Variants in KAZN observed in about 807,000 individuals in gnomAD.
KAZN encodes kazrin, periplakin interacting protein, also known as kazrin.
KAZN carries 40 observed loss-of-function variants against 87.4 expected under a neutral mutation model. The observed-to-expected ratio is 0.46, with a 90% CI of 0.36 to 0.60. KAZN has a LOEUF of 0.60. Among genes scored for constraint, KAZN ranks in the 20% least tolerant of loss-of-function variants. The probability of loss-of-function intolerance (pLI) is 0.00; values close to 1 mark genes in which losing one functional copy is unlikely to be tolerated. For missense variants in KAZN, 898 were observed against 1,073.9 expected (o/e 0.84, Z 2.29); for synonymous variants, 466 against 458.3 (o/e 1.02, Z -0.22).
Position 14,940,898 on chromosome 1 carries a change from C to CTTTTTTTTTTTTTTTTTTT in KAZN, c.227-19773_227-19755dup, listed in dbSNP as rs66777443. Among the ~76,000 whole-genome samples the CTTTTTTTTTTTTTTTTTTT allele has an allele frequency of 3.7e-5, 2 of 54,404 alleles. 1 individual carries two copies. The highest frequency in any genetic ancestry group is 1.7e-4 in the African/African-American group (2 of 12,018). The allele number at this position is 54,404 out of a possible 152,430, so 35.7% of individuals were successfully genotyped here. A position where few individuals can be genotyped will look rare whatever the true frequency, so the allele number is the denominator to read the frequency against. On this transcript the variant is annotated intron_variant, in intron 1 of 14. Coordinates refer to ENST00000376030, the MANE Select transcript of KAZN (RefSeq NM_201628.3). ...ACCAGACAGATGTCATTCTACCTTT[C>CTTTTTTTTTTTTTTTTTTT]TTTTTTTTTTTTTTTTTTTTTTTTT...
At chr1:14,217,664 A>T (rs2100482968) in intron 2 of KAZN, among the ~76,000 whole-genome samples, 1 of 152,254 alleles carries the variant, frequency 6.6e-6, no homozygotes, top group East Asian at 1.9e-4. Flanking sequence ...GTTTCCCAAA[A>T]CAATTGTTTA....
intron 1 of KAZN, among the ~76,000 whole-genome samples, chr1:14,836,962 G>A (rs185784377): frequency 2.0e-5 from 3 of 152,108 alleles, no homozygotes; most frequent in East Asian, 1.9e-4. Flanking sequence ...CCAGGTAACC[G>A]CCTTCCTGAA....
intron 1 of KAZN, among the ~76,000 whole-genome samples, chr1:14,694,512 C>T (rs1221981043): frequency 1.3e-5 from 2 of 152,224 alleles, no homozygotes; most frequent in East Asian, 3.9e-4. Context: ...TGAGCACTTC[C>T]CAAGTATAAT....
intron 1 of KAZN, among the ~76,000 whole-genome samples, chr1:14,840,066 AC>A (rs1210629635): frequency 2.1e-5 from 3 of 141,404 alleles, no homozygotes; most frequent in Non-Finnish European, 4.6e-5. Flanking sequence ...CCTCCCTACC[AC>A]CTGGCACTGC....
At chr1:14,897,192 G>A (rs975567423) in intron 1 of KAZN, among the ~76,000 whole-genome samples, 3 of 152,188 alleles carry the variant, frequency 2.0e-5, no homozygotes, top group Non-Finnish European at 4.4e-5. Context: ...AGAAAGGGAA[G>A]GAGTTGCATA....
intron 2 of KAZN, among the ~76,000 whole-genome samples, chr1:14,470,464 C>T (rs1668394652): frequency 6.6e-6 from 1 of 152,182 alleles, no homozygotes; most frequent in Non-Finnish European, 1.5e-5. Flanking sequence ...CCAAATCCAC[C>T]ATTTGACAGT....
intron 2 of KAZN, among the ~76,000 whole-genome samples, chr1:14,586,022 C>A (rs927145562): frequency 6.6e-6 from 1 of 152,292 alleles, no homozygotes; most frequent in Non-Finnish European, 1.5e-5. Flanking sequence ...CAGCTGTTCC[C>A]TAGTGGGGGT....
At chr1:14,152,504 T>C (rs1450537018) in intron 1 of KAZN, among the ~76,000 whole-genome samples, 1 of 152,232 alleles carries the variant, frequency 6.6e-6, no homozygotes, top group Non-Finnish European at 1.5e-5. Context: ...ATCCAAGTTC[T>C]TGCAAATGAC....
At chr1:14,943,290 G>A (rs552280363) in intron 1 of KAZN, among the ~76,000 whole-genome samples, 42 of 152,016 alleles carry the variant, frequency 2.8e-4, no homozygotes, top group Non-Finnish European at 5.4e-4. Flanking sequence ...AAAGCCAGAG[G>A]GGACAGCAGC....
At chr1:14,237,544 C>G (rs1262504929) in intron 2 of KAZN, among the ~76,000 whole-genome samples, 1 of 152,148 alleles carries the variant, frequency 6.6e-6, no homozygotes, top group Non-Finnish European at 1.5e-5. Context: ...CACACCCTCT[C>G]CCTGGCAATG....
chr1:14,645,753 G>A (rs970455300), intron 1 of KAZN, among the ~76,000 whole-genome samples: 4 of 152,136 alleles, frequency 2.6e-5, no homozygotes, highest in African/African-American at 7.2e-5. Context: ...TCTCTTGCCC[G>A]ATTGCTTTGG....
chr1:14,401,270 C>A (rs1178687261), intron 2 of KAZN, among the ~76,000 whole-genome samples: 1 of 151,852 alleles, frequency 6.6e-6, no homozygotes, highest in Non-Finnish European at 1.5e-5. Context: ...TGACTTTCAG[C>A]AAAGCTTGAA....
chr1:14,855,376 T>C (rs1295128405), intron 1 of KAZN, among the ~76,000 whole-genome samples: 2 of 152,184 alleles, frequency 1.3e-5, no homozygotes, highest in Non-Finnish European at 2.9e-5. Flanking sequence ...CTTTTGTCAT[T>C]TTTTTGTTAA....
chr1:14,251,289 T>C (rs895855439), intron 2 of KAZN, among the ~76,000 whole-genome samples: 1 of 152,186 alleles, frequency 6.6e-6, no homozygotes, highest in Non-Finnish European at 1.5e-5. Flanking sequence ...ATGATAAGGT[T>C]GATTGAGATA....
At chr1:14,250,153 T>G (rs1055660804) in intron 2 of KAZN, among the ~76,000 whole-genome samples, 6 of 152,176 alleles carry the variant, frequency 3.9e-5, no homozygotes, top group African/African-American at 1.4e-4. Context: ...TTTATACACA[T>G]GTTTATTCAG....
chr1:14,391,386 G>C lies in KAZN; in HGVS notation c.250-207597G>C, dbSNP rs116347596. 449 of 152,242 alleles carry C rather than the reference G, an allele frequency of 2.9e-3. 1 individual carries two copies. The highest frequency in any genetic ancestry group is 9.9e-3 in the African/African-American group (409 of 41,476). The allele number at this position is 152,242 out of a possible 1,614,324, so 9.4% of individuals were successfully genotyped here. A position where few individuals can be genotyped will look rare whatever the true frequency, so the allele number is the denominator to read the frequency against. Reference sequence around the variant, plus strand: ...GTATCTTCAGCTAGACTTTCCCCAGGGTCACATACACAACTGCCTGCTCAA... The same window carrying C: ...GTATCTTCAGCTAGACTTTCCCCAGCGTCACATACACAACTGCCTGCTCAA... On this transcript the variant is annotated intron_variant, in intron 2 of 16. Transcript: ENST00000636203.
intron 2 of KAZN, among the ~76,000 whole-genome samples, chr1:14,447,642 G>C (rs933794615): frequency 1.3e-5 from 2 of 152,014 alleles, no homozygotes; most frequent in Admixed American, 1.3e-4. Context: ...TTTATCTGCT[G>C]TATTTATTGG....
intron 2 of KAZN, among the ~76,000 whole-genome samples, chr1:14,431,250 A>T (rs1666053065): frequency 6.6e-6 from 1 of 152,316 alleles, no homozygotes; most frequent in Admixed American, 6.5e-5. Context: ...ACAATTTCTC[A>T]TTTAATCCTC....
chr1:14,522,615 G>A (rs1478354090), intron 2 of KAZN, among the ~76,000 whole-genome samples: 1 of 152,132 alleles, frequency 6.6e-6, no homozygotes, highest in Non-Finnish European at 1.5e-5. Flanking sequence ...AATGCAAATG[G>A]GTGTTGACGT....
Sources: allele counts gnomAD v4.1 joint callset (sites outside exome capture counted in the v4.1 genomes callset), GRCh38; gene constraint gnomAD v4.1.1; transcripts MANE v1.5; gene names NCBI Gene and HGNC (gene_info 2026-07-23, HGNC 2026-07-21).